The following MARCHF1 variants were observed in gnomAD, a reference collection of about 807,000 sequenced individuals.
MARCHF1 encodes E3 ubiquitin-protein ligase MARCHF1.
A neutral mutation model predicts 54.2 loss-of-function variants in MARCHF1; 40 were observed. The observed-to-expected ratio is 0.74, with a 90% CI of 0.57 to 0.96. The LOEUF (loss-of-function observed/expected upper bound fraction) is 0.96. MARCHF1 is among the 40% of genes least tolerant of loss of function. The probability of loss-of-function intolerance (pLI) is 0.00; values close to 1 mark genes in which losing one functional copy is unlikely to be tolerated. For missense variants in MARCHF1, 586 were observed against 656.5 expected (o/e 0.89, Z 1.17); for synonymous variants, 236 against 236.3 (o/e 1.00, Z 0.01).
chr4:163,970,119 A>G (rs377728315), intron 3 of MARCHF1, among the ~76,000 whole-genome samples: 4 of 152,338 alleles, frequency 2.6e-5, no homozygotes, highest in African/African-American at 7.2e-5. Context: ...CTCACACATG[A>G]TAACTTTCAA....
chr4:163,763,016 T>A (rs1290938165), intron 4 of MARCHF1, among the ~76,000 whole-genome samples: 2 of 152,112 alleles, frequency 1.3e-5, no homozygotes. Context: ...AATGTGCTTG[T>A]AGCATTCTGA....
intron 1 of MARCHF1, among the ~76,000 whole-genome samples, chr4:164,159,877 C>T (rs1730184740): frequency 6.6e-6 from 1 of 152,096 alleles, no homozygotes; most frequent in Admixed American, 6.6e-5. Context: ...CTCTGGACCT[C>T]ATTCTTCATC....
At chr4:163,767,417 T>G (rs930857340) in intron 4 of MARCHF1, among the ~76,000 whole-genome samples, 1 of 150,938 alleles carries the variant, frequency 6.6e-6, no homozygotes, top group Non-Finnish European at 1.5e-5. Flanking sequence ...CACCGCAAGC[T>G]CCCCCTCCTG....
At chr4:163,646,855 G>GT (rs1459175779) in intron 5 of MARCHF1, among the ~76,000 whole-genome samples, 8 of 152,006 alleles carry the variant, frequency 5.3e-5, no homozygotes, top group African/African-American at 1.9e-4. Context: ...AAGAACAAAA[G>GT]ATCCACAAAA....
At chr4:163,573,295 C>CTTATTA (rs34017689) in intron 8 of MARCHF1, among the ~76,000 whole-genome samples, 7,720 of 144,268 alleles carry the variant, frequency 0.054, 383 homozygotes, top group East Asian at 0.17. Context: ...TGCTTTTTCT[C>CTTATTA]TTATTATTAT....
At chr4:164,109,847 C>A (rs1229935324) in intron 2 of MARCHF1, among the ~76,000 whole-genome samples, 2 of 148,424 alleles carry the variant, frequency 1.3e-5, no homozygotes, top group South Asian at 2.1e-4. Flanking sequence ...GTACAACAAA[C>A]CCCCGGGACA....
chr4:164,027,367 A>T (rs1753791602), intron 2 of MARCHF1, among the ~76,000 whole-genome samples: 1 of 125,432 alleles, frequency 8.0e-6, no homozygotes, highest in African/African-American at 3.2e-5. Flanking sequence ...ACAGGTAAAA[A>T]AAAAAAAAAA....
In MARCHF1 at chr4:164,376,561, T is replaced by G. The variant is rs568157250; in HGVS notation, c.-323+7309A>C. On this transcript the variant is annotated intron_variant, in intron 1 of 9. Coordinates refer to ENST00000514618, the MANE Select transcript of MARCHF1 (RefSeq NM_001394959.1). Reference sequence around the variant, plus strand: ...GAGAGTAAAGGCTAATACAGGTGCATGCAGTTGGGTCACTTCCATGGCCGG... The same window carrying G: ...GAGAGTAAAGGCTAATACAGGTGCAGGCAGTTGGGTCACTTCCATGGCCGG... 5.3e-4 allele frequency among the ~76,000 whole-genome samples: 81 copies of G among 152,228 alleles called. No individual in the cohort carries two copies. The South Asian group carries it at 0.017, about 31-fold the overall frequency.
chr4:163,600,747 G>A (rs1740937191), intron 7 of MARCHF1, among the ~76,000 whole-genome samples: 1 of 152,172 alleles, frequency 6.6e-6, no homozygotes, highest in Admixed American at 6.6e-5. Flanking sequence ...GTGGGCCTCA[G>A]AGGGTCCAAA....
intron 4 of MARCHF1, among the ~76,000 whole-genome samples, chr4:163,816,162 C>A (rs1748525989): frequency 6.6e-6 from 1 of 152,160 alleles, no homozygotes; most frequent in Admixed American, 6.6e-5. Flanking sequence ...ATTAAGGAGA[C>A]TTCAGTGGGA....
chr4:164,234,685 T>C (rs1685040323), intron 1 of MARCHF1: 1 of 152,132 alleles, frequency 6.6e-6, no homozygotes, highest in African/African-American at 2.4e-5. Flanking sequence ...TTTGCCTTAA[T>C]CTCTTAAATC....
chr4:163,855,312 A>G (rs1435620838), intron 3 of MARCHF1, among the ~76,000 whole-genome samples: 21 of 152,192 alleles, frequency 1.4e-4, no homozygotes, highest in Non-Finnish European at 2.8e-4. Context: ...CAATTGAGGT[A>G]CAGAGAAATG....
intron 5 of MARCHF1, among the ~76,000 whole-genome samples, chr4:163,685,553 G>A (rs1579194167): frequency 6.6e-6 from 1 of 152,198 alleles, no homozygotes; most frequent in Non-Finnish European, 1.5e-5. Flanking sequence ...CTCCTGGGTT[G>A]AAGCGATTCT....
intron 5 of MARCHF1, among the ~76,000 whole-genome samples, chr4:163,651,093 T>C (rs1450024591): frequency 2.0e-5 from 3 of 151,936 alleles, no homozygotes; most frequent in African/African-American, 7.2e-5. Context: ...AAATCAATGA[T>C]GTAATCATCA....
intron 4 of MARCHF1, among the ~76,000 whole-genome samples, chr4:163,819,167 C>T (rs1408463136): frequency 6.6e-6 from 1 of 152,128 alleles, no homozygotes; most frequent in African/African-American, 2.4e-5. Context: ...TATTATCCAA[C>T]TACATACTCT....
intron 4 of MARCHF1, among the ~76,000 whole-genome samples, chr4:163,763,564 C>G (rs35517312): frequency 0.47 from 71,307 of 151,796 alleles, 16,763 homozygotes; most frequent in Admixed American, 0.5. Context: ...AAAAATGGAA[C>G]AATTACTGCT....
chr4:164,064,817 G>T (rs1754692746), intron 2 of MARCHF1, among the ~76,000 whole-genome samples: 2 of 152,168 alleles, frequency 1.3e-5, no homozygotes, highest in South Asian at 4.1e-4. Context: ...TTTGAGGTAT[G>T]TTCCTTTAAT....
chr4:163,782,474 A>G (rs970505527), intron 4 of MARCHF1, among the ~76,000 whole-genome samples: 2 of 151,948 alleles, frequency 1.3e-5, no homozygotes, highest in Non-Finnish European at 2.9e-5. Context: ...AGTTCAAGAC[A>G]GGCCTGGCCA....
At chr4:163,778,108 T>C (rs1225453948) in intron 4 of MARCHF1, among the ~76,000 whole-genome samples, 3 of 152,226 alleles carry the variant, frequency 2.0e-5, no homozygotes, top group East Asian at 1.9e-4. Flanking sequence ...TTTGCACCTA[T>C]TTATTGCTAA....
Sources: gnomAD v4.1 joint callset for allele counts (sites outside exome capture counted in the v4.1 genomes callset) on GRCh38, gnomAD v4.1.1 for gene constraint, MANE v1.5 for transcripts, NCBI Gene and HGNC (gene_info 2026-07-23, HGNC 2026-07-21) for gene names.